SERPINE3: variants seen among roughly 807,000 people sequenced by gnomAD.
SERPINE3 encodes the protein serpin E3.
Under a neutral mutation model 41.7 loss-of-function variants are expected in SERPINE3, and 43 were observed. The observed-to-expected ratio is 1.03, with a 90% confidence interval of 0.81 to 1.33. The LOEUF (loss-of-function observed/expected upper bound fraction) is 1.33, where lower values mean the gene tolerates loss of function less well. Among genes scored for constraint, SERPINE3 ranks in the 40% most tolerant of loss-of-function variants. The probability of loss-of-function intolerance (pLI) is 0.00; values close to 1 mark genes in which losing one functional copy is unlikely to be tolerated. For synonymous variants in SERPINE3, 200 were observed against 192.2 expected (o/e 1.04, Z -0.34); for missense variants, 440 against 491.7 (o/e 0.89, Z 0.99).
chr13:51,354,112 T>C (rs1955442757), intron 6 of SERPINE3: 1 of 152,180 alleles, frequency 6.6e-6, no homozygotes, highest in Admixed American at 6.5e-5. Flanking sequence ...AAACACTCTA[T>C]TAAATAAAAT....
chr13:51,359,729 T>C (rs116071990), intron 7 of SERPINE3, among the ~76,000 whole-genome samples: 11 of 152,260 alleles, frequency 7.2e-5, no homozygotes, highest in Admixed American at 6.5e-4. Flanking sequence ...TATATAGTCA[T>C]GAAGTCTCGG....
At position 51,357,479 on chromosome 13, in the gene SERPINE3, GAT is replaced by G. The variant is rs1424713246; in HGVS notation, c.1000+2337_1000+2338del. The stretch of plus-strand genomic sequence containing the variant: ...GATTACCAAGCAGTTTTGTACTACT[GAT>G]GGAACTCCAACCACCACAGCAAACA... On this transcript the variant is annotated intron_variant, in intron 7 of 9. Transcript: ENST00000681248. Among the ~76,000 whole-genome samples, 21 of 152,228 alleles carry G rather than the reference GAT, an allele frequency of 1.4e-4. No homozygotes were observed. The South Asian group carries it at 2.5e-3, about 18-fold the overall frequency.
rs1955463154 is a variant in SERPINE3 at position 51,355,268 on chromosome 13, T to C, written c.1000+125T>C. ...AAAGAATAAGAAAGGTGCTCTGTTTTATATAAGAATGTGTTGCTTCTAATA... is the reference window on the plus strand; with the variant it reads ...AAAGAATAAGAAAGGTGCTCTGTTTCATATAAGAATGTGTTGCTTCTAATA... On this transcript the variant is annotated intron_variant, in intron 7 of 9. Transcript: ENST00000681248. 5.6e-6 allele frequency: 3 copies of C among 534,662 alleles called. No homozygotes were observed. In the East Asian group the frequency reaches 1.0e-4, roughly 18 times the overall value. 33.1% of individuals were successfully genotyped at this position (534,662 alleles called of 1,614,324 possible).
At chr13:51,342,780 T>C (rs1444958999) in intron 3 of SERPINE3, among the ~76,000 whole-genome samples, 1 of 152,176 alleles carries the variant, frequency 6.6e-6, no homozygotes, top group Non-Finnish European at 1.5e-5. Context: ...TCAACATTCC[T>C]AGGAATGTGA....
At chr13:51,348,529 A>G (rs1265511584) in intron 6 of SERPINE3, 118 bp downstream of exon 6, 6 of 751,752 alleles carry the variant, frequency 8.0e-6, no homozygotes, top group South Asian at 1.8e-5. Context: ...GACTTGTTTA[A>G]TATGTATCCC....
At chr13:51,341,393 ACT>A in intron 3 of SERPINE3, 46 bp downstream of exon 3, 1 of 1,515,440 alleles carries the variant, frequency 6.6e-7, no homozygotes, top group Non-Finnish European at 8.9e-7. Context: ...TCCTGTTCAC[ACT>A]CACACTCTCT....
intron 7 of SERPINE3, 143 bp from the exon 8 acceptor site, chr13:51,361,135 G>A: frequency 1.9e-6 from 1 of 532,746 alleles, no homozygotes; most frequent in East Asian, 3.0e-5. Context: ...AACAAAAACA[G>A]AATTTTCCAC....
At chr13:51,346,999 T>C in intron 4 of SERPINE3, 26 bp from the exon 5 acceptor site, 3 of 1,535,560 alleles carry the variant, frequency 2.0e-6, no homozygotes, top group Non-Finnish European at 2.7e-6. Flanking sequence ...ATTTAACCCA[T>C]GGCCACCTTG....
In SERPINE3 at chr13:51,342,218, G is replaced by A. The variant is rs190885672; in HGVS notation, c.256+871G>A. Among the ~76,000 whole-genome samples the A allele has an allele frequency of 2.9e-3, 429 of 149,944 alleles. 6 individuals carry two copies. The highest frequency in any genetic ancestry group is 9.7e-4 in the East Asian group (5 of 5,130). On this transcript the variant is annotated intron_variant, in intron 3 of 9. Coordinates refer to ENST00000681248, the MANE Select transcript of SERPINE3 (RefSeq NM_001386375.1). ...AAAAAAAAGAGGCTATGAGCTCTGC[G>A]GCCTCACGTTCATTCAAAGTGGAAT...
chr13:51,352,321 A>G (rs1955412289), intron 6 of SERPINE3, among the ~76,000 whole-genome samples: 1 of 151,938 alleles, frequency 6.6e-6, no homozygotes, highest in South Asian at 2.1e-4. Context: ...CAAGTCTTGC[A>G]CTTCTTTCAT....
chr13:51,356,776 C>T (rs983553322), intron 7 of SERPINE3, among the ~76,000 whole-genome samples: 2 of 126,092 alleles, frequency 1.6e-5, no homozygotes, highest in Admixed American at 8.5e-5. Context: ...TTTTTTGATA[C>T]GAAACCTTTT....
At chr13:51,351,046 T>C (rs1219982088) in intron 6 of SERPINE3, among the ~76,000 whole-genome samples, 5 of 152,206 alleles carry the variant, frequency 3.3e-5, no homozygotes, top group Admixed American at 3.3e-4. Flanking sequence ...TATTCATCAA[T>C]TTATAGATAT....
At chr13:51,347,580 A>G (rs567700436) in intron 5 of SERPINE3, among the ~76,000 whole-genome samples, 1 of 152,346 alleles carries the variant, frequency 6.6e-6, no homozygotes, top group East Asian at 1.9e-4. Context: ...GATCGGGTAC[A>G]GTAGTACCCT....
chr13:51,341,355 G>C lies in SERPINE3; in HGVS notation c.256+8G>C, dbSNP rs1296558709. On this transcript the variant is annotated splice_region_variant and intron_variant, in intron 3 of 9. Coordinates refer to ENST00000681248, the MANE Select transcript of SERPINE3 (RefSeq NM_001386375.1). ...TGGGGTACACTGTCCATGGTAAGAG[G>C]CCTGCCCACGTGCACACTCACTTAC... 6 of 1,577,400 alleles carry C rather than the reference G, an allele frequency of 3.8e-6. No individual in the cohort carries two copies. The highest frequency in any genetic ancestry group is 1.3e-5 in the African/African-American group (1 of 74,326).
intron 7 of SERPINE3, among the ~76,000 whole-genome samples, chr13:51,356,402 T>C (rs907856964): frequency 1.3e-5 from 2 of 152,174 alleles, no homozygotes; most frequent in Non-Finnish European, 1.5e-5. Flanking sequence ...GAGAATTCTA[T>C]GTTTGATAAT....
chr13:51,344,376 T>A lies in SERPINE3; in HGVS notation c.381T>A (p.Phe127Leu), dbSNP rs1955324778. Residue 127 changes from phenylalanine to leucine, a missense_variant, in exon 4 of 10, where the codon TTT becomes TTA. Coordinates refer to ENST00000681248, the MANE Select transcript of SERPINE3 (RefSeq NM_001386375.1). Reference protein sequence around the residue: ...VQVGTPLSPCFVEHVSWWANS... With the variant: ...VQVGTPLSPCLVEHVSWWANS... ...TGGGAACGCCACTGTCCCCCTGCTT[T>A]GTGGAGCACGTCTCCTGGTGGGCTA... 2 of 1,613,082 alleles carry A rather than the reference T, an allele frequency of 1.2e-6. No homozygotes were observed. Among genetic ancestry groups the A allele is most frequent in the South Asian group, 2.2e-5 (2 of 90,858 alleles).
Position 51,360,608 on chromosome 13 carries a change from T to G in SERPINE3, c.1001-670T>G, listed in dbSNP as rs114000584. Among the ~76,000 whole-genome samples, 177 of 152,198 alleles carry G rather than the reference T, an allele frequency of 1.2e-3. 1 individual carries two copies. Among genetic ancestry groups the G allele is most frequent in the African/African-American group, 3.9e-3 (161 of 41,546 alleles). The stretch of plus-strand genomic sequence containing the variant: ...TTGCTAAACTTATAATCTGTGAAAC[T>G]GTTAGCACATAGAACATTTATACTA... On this transcript the variant is annotated intron_variant, in intron 7 of 9. Coordinates refer to ENST00000681248, the MANE Select transcript of SERPINE3 (RefSeq NM_001386375.1).
At position 51,361,464 on chromosome 13, in the gene SERPINE3, C is replaced by T. The variant is rs538850424; in HGVS notation, c.1087+100C>T. ...CACTTCTGAATCTTTCCATAACCCC[C>T]AAGTTCAGGTGTGGTGTAGTATTTT... On this transcript the variant is annotated intron_variant, in intron 8 of 9. Transcript: ENST00000681248. 1.5e-5 allele frequency: 12 copies of T among 789,500 alleles called. No homozygotes were observed. In the African/African-American group the frequency reaches 1.7e-4, roughly 11 times the overall value. 48.9% of individuals were successfully genotyped at this position (789,500 alleles called of 1,614,324 possible). A position where few individuals can be genotyped will look rare whatever the true frequency, so the allele number is the denominator to read the frequency against.
rs753981280 is a variant in SERPINE3 at position 51,348,314 on chromosome 13, AC to A, written c.808del (p.Leu270Ter). On this transcript the variant is annotated frameshift_variant, in exon 6 of 10. Coordinates refer to ENST00000681248, the MANE Select transcript of SERPINE3 (RefSeq NM_001386375.1). LOFTEE classifies it high-confidence loss of function. ...CCTGGTGCTGCCCCGTGACAAAGAC[AC>A]CCCCCTGAGCCACATCGAGCCACAC... ...LFLVLPRDKD[T>X]PLSHIEPHLT... 3.1e-6 allele frequency: 5 copies of A among 1,611,158 alleles called. No individual in the cohort carries two copies. Among genetic ancestry groups the A allele is most frequent in the East Asian group, 2.2e-5 (1 of 44,732 alleles).
Sources: allele counts gnomAD v4.1 joint callset (sites outside exome capture counted in the v4.1 genomes callset), GRCh38; gene constraint gnomAD v4.1.1; transcripts MANE v1.5; gene names NCBI Gene and HGNC (gene_info 2026-07-23, HGNC 2026-07-21).